Variants in CSAD observed in about 807,000 individuals in gnomAD.
CSAD encodes the protein P-selectin cytoplasmic tail-associated protein.
In CSAD, 47 loss-of-function variants were observed where a neutral mutation model predicts 61.5. The observed-to-expected ratio is 0.76, with a 90% CI of 0.60 to 0.97. The LOEUF is 0.97. CSAD is among the 50% of genes least tolerant of loss of function. The pLI, the probability that CSAD is intolerant of heterozygous loss-of-function variation, is 0.00. For missense variants in CSAD, 611 were observed against 643.6 expected (o/e 0.95, Z 0.55); for synonymous variants, 245 against 252.7 (o/e 0.97, Z 0.29).
chr12:53,169,088 G>A (rs978518322), intron 10 of CSAD, among the ~76,000 whole-genome samples: 3 of 152,126 alleles, frequency 2.0e-5, no homozygotes, highest in African/African-American at 7.2e-5. Context: ...GCTGAGGCAT[G>A]AGAATCACTC....
At chr12:53,173,602 A>C in intron 3 of CSAD, 126 bp from the exon 4 acceptor site, 1 of 1,550,248 alleles carries the variant, frequency 6.5e-7, no homozygotes, top group Non-Finnish European at 8.9e-7. Context: ...CCTCCAGTGC[A>C]CAGACAAGGG....
chr12:53,165,983 C>T (rs1433912163), intron 10 of CSAD, among the ~76,000 whole-genome samples: 1 of 152,200 alleles, frequency 6.6e-6, no homozygotes, highest in South Asian at 2.1e-4. Flanking sequence ...TTCTCACATG[C>T]TACGACGTGG....
At chr12:53,181,272 C>T (rs1941617014), upstream of CSAD, 4 of 985,298 alleles carry the variant, frequency 4.1e-6, no homozygotes, top group Non-Finnish European at 4.8e-6. Context: ...CTGCCAGTCC[C>T]GTTTCTGCCC....
intron 10 of CSAD, among the ~76,000 whole-genome samples, chr12:53,166,575 A>T (rs1939968134): frequency 6.6e-6 from 1 of 151,984 alleles, no homozygotes; most frequent in Non-Finnish European, 1.5e-5. Context: ...AGGTGGGCAG[A>T]TCACTTAAGG....
rs1180789028 is a variant in CSAD at position 53,160,848 on chromosome 12, G to A, written c.885-4C>T. ...ATTCCAGGCCACAGAGTCAGCCCTGGATGGGGTGGAGCAAAGGCAGGTCAG... is the reference window on the plus strand; with the variant it reads ...ATTCCAGGCCACAGAGTCAGCCCTGAATGGGGTGGAGCAAAGGCAGGTCAG... On this transcript the variant is annotated splice_region_variant and splice_polypyrimidine_tract_variant and intron_variant, in intron 12 of 16. Coordinates refer to ENST00000444623, the MANE Select transcript of CSAD (RefSeq NM_001244705.2). The A allele has an allele frequency of 1.9e-6, 3 of 1,551,562 alleles. No homozygotes were observed. The highest frequency in any genetic ancestry group is 2.6e-6 in the Non-Finnish European group (3 of 1,146,930).
chr12:53,179,563 T>G (rs1941393626), intron 1 of CSAD: 1 of 512,640 alleles, frequency 2.0e-6, no homozygotes, highest in African/African-American at 2.0e-5. Context: ...TTTCTTTATC[T>G]CTCTCTTTCT....
At chr12:53,181,152 C>T (rs1373159275), upstream of CSAD, 1 of 984,470 alleles carries the variant, frequency 1.0e-6, no homozygotes, top group African/African-American at 1.7e-5. Context: ...GGCTGGCTGG[C>T]CGGAGCGAGG....
At chr12:53,171,823 G>C (rs1328081620) in intron 7 of CSAD, 59 bp downstream of exon 7, 3 of 1,107,160 alleles carry the variant, frequency 2.7e-6, no homozygotes, top group Non-Finnish European at 4.1e-6. Flanking sequence ...GCAAGAGAAC[G>C]GTGGGGGAGG....
intron 10 of CSAD, chr12:53,164,807 G>A (rs1047883287): frequency 6.6e-6 from 1 of 152,198 alleles, no homozygotes; most frequent in African/African-American, 2.4e-5. Flanking sequence ...TAAGGGACTT[G>A]CATCTAGAAT....
chr12:53,158,934 C>T lies in CSAD; in HGVS notation c.1309-250G>A, dbSNP rs372614094. 1.2e-3 allele frequency among the ~76,000 whole-genome samples: 182 copies of T among 152,350 alleles called. 2 individuals carry two copies. Among genetic ancestry groups the T allele is most frequent in the Non-Finnish European group, 9.6e-4 (65 of 68,030 alleles). ...TCTCCAAGAAATCTGTCCTGTGGGA[C>T]ATTTTCTGCCAAATCTTGACTTTCT... On this transcript the variant is annotated intron_variant, in intron 16 of 16. Transcript: ENST00000444623.
intron 6 of CSAD, 141 bp downstream of exon 6, chr12:53,172,205 A>G (rs1940666789): frequency 1.2e-6 from 1 of 865,068 alleles, no homozygotes; most frequent in African/African-American, 1.7e-5. Context: ...TCCAAAGGAT[A>G]TGAGGAAAAA....
In CSAD at chr12:53,161,104, G is replaced by T. The variant is rs776848445; in HGVS notation, c.884+23C>A. On this transcript the variant is annotated intron_variant, in intron 12 of 16. Coordinates refer to ENST00000444623, the MANE Select transcript of CSAD (RefSeq NM_001244705.2). Reference sequence around the variant, plus strand: ...ACCAATGGTTTGAAGGGCGGGATTTGGGAAGAAGGGGACTGTATGCACCTC... The same window carrying T: ...ACCAATGGTTTGAAGGGCGGGATTTTGGAAGAAGGGGACTGTATGCACCTC... The T allele has an allele frequency of 5.0e-6, 8 of 1,610,268 alleles. No homozygotes were observed. The East Asian group carries it at 8.9e-5, about 18-fold the overall frequency.
intron 10 of CSAD, among the ~76,000 whole-genome samples, chr12:53,168,835 T>C (rs960137274): frequency 5.9e-5 from 9 of 152,222 alleles, no homozygotes; most frequent in African/African-American, 1.7e-4. Context: ...CTAAGACACA[T>C]AGATATACCA....
intron 8 of CSAD, chr12:53,170,706 G>T: frequency 3.5e-6 from 2 of 572,822 alleles, no homozygotes; most frequent in Non-Finnish European, 6.2e-6. Context: ...TGGGGCCCAA[G>T]ATTCTGCATT....
At chr12:53,166,558 G>A (rs1281377023) in intron 10 of CSAD, among the ~76,000 whole-genome samples, 1 of 151,940 alleles carries the variant, frequency 6.6e-6, no homozygotes, top group Non-Finnish European at 1.5e-5. Context: ...AGCATTTTGA[G>A]AGACCAAGGT....
At chr12:53,180,357 GAAGA>G (rs1238117754) in intron 1 of CSAD, 28 of 985,258 alleles carry the variant, frequency 2.8e-5, no homozygotes, top group Non-Finnish European at 3.3e-5. Flanking sequence ...CGTCCGCGAG[GAAGA>G]AAGAGTGACG....
intron 10 of CSAD, among the ~76,000 whole-genome samples, chr12:53,165,595 G>A (rs1198978790): frequency 4.0e-5 from 6 of 148,982 alleles, no homozygotes; most frequent in African/African-American, 7.5e-5. Context: ...CCTGGGAGGC[G>A]GAGCTTGCAG....
intron 2 of CSAD, among the ~76,000 whole-genome samples, chr12:53,177,387 C>T (rs991905194): frequency 1.3e-5 from 2 of 151,762 alleles, no homozygotes; most frequent in African/African-American, 4.8e-5. Flanking sequence ...TAAATGCAGA[C>T]GACAAAGAAT....
upstream of CSAD, chr12:53,181,288 C>T (rs1025925191): frequency 3.0e-6 from 3 of 985,332 alleles, no homozygotes; most frequent in Admixed American, 1.2e-4. Context: ...TGCCCGCCAC[C>T]GAAGCACCCA....
Sources: gnomAD v4.1 joint callset for allele counts (sites outside exome capture counted in the v4.1 genomes callset) on GRCh38, gnomAD v4.1.1 for gene constraint, MANE v1.5 for transcripts, NCBI Gene and HGNC (gene_info 2026-07-23, HGNC 2026-07-21) for gene names.